The following ADCY5 variants were observed in gnomAD, a reference collection of about 807,000 sequenced individuals.
The protein encoded by ADCY5 is adenylate cyclase 5.
Under a neutral mutation model 119.7 loss-of-function variants are expected in ADCY5, and 30 were observed. The observed-to-expected ratio is 0.25, with a 90% CI of 0.19 to 0.34. The LOEUF is 0.34. Ranked by LOEUF, ADCY5 falls within the 10% of genes least tolerant of loss-of-function variation. The pLI is 1.00. For synonymous variants in ADCY5, 753 were observed against 762.2 expected, an observed-to-expected ratio of 0.99 and a Z score of 0.20; for missense variants, 1,324 against 1,775.2, an observed-to-expected ratio of 0.75 and a Z score of 4.57.
Position 123,442,220 on chromosome 3 carries a change from C to T in ADCY5, c.1134+5192G>A, listed in dbSNP as rs979623830. Among the ~76,000 whole-genome samples the T allele has an allele frequency of 3.3e-5, 5 of 152,300 alleles. No homozygotes were observed. In the South Asian group the frequency reaches 6.2e-4, roughly 19 times the overall value. On this transcript the variant is annotated intron_variant, in intron 1 of 20. Transcript: ENST00000462833. ...GGCTACACTCCTGGGAAACACATGA[C>T]GGCAGGTTGCACCCACCACCAAGAT...
rs775563814 is a variant in ADCY5 at position 123,325,349 on chromosome 3, G to A, written c.2061C>T (p.Asn687=). The A allele has an allele frequency of 1.2e-6, 2 of 1,614,122 alleles. No individual in the cohort carries two copies. The highest frequency in any genetic ancestry group is 1.7e-5 in the Admixed American group (1 of 60,024). ...TCCGCTTCATCTCCTTGGACACCTG[G>A]TTGCCACCCAGGTGGTTGTAGAAGG... ...ERPFYNHLGG[N]QVSKEMKRMG... The change falls in exon 8 of 21, where the codon AAC becomes AAT. Residue 687 remains asparagine, a synonymous_variant. Coordinates refer to ENST00000462833, the MANE Select transcript of ADCY5 (RefSeq NM_183357.3).
chr3:123,424,058 C>T (rs769686007), intron 1 of ADCY5, among the ~76,000 whole-genome samples: 18 of 152,224 alleles, frequency 1.2e-4, no homozygotes, highest in Non-Finnish European at 2.1e-4. Flanking sequence ...GTGAGGCCAC[C>T]GTCCTAGAGC....
intron 14 of ADCY5, 27 bp from the exon 15 acceptor site, chr3:123,300,322 C>T (rs546307631): frequency 3.7e-6 from 6 of 1,609,428 alleles, no homozygotes; most frequent in Non-Finnish European, 5.1e-6. Context: ...GCAGCATCAG[C>T]TCCCCAGGCC....
At position 123,447,481 on chromosome 3, in the gene ADCY5, C is replaced by A. The variant is rs1164763594; in HGVS notation, c.1065G>T (p.Val355=). 1.2e-6 allele frequency: 2 copies of A among 1,611,332 alleles called. No homozygotes were observed. The highest frequency in any genetic ancestry group is 2.2e-5 in the East Asian group (1 of 44,808). Reference sequence around the variant, plus strand: ...TGGCCAGGTGGAGGGCGGACAGGAGCACCCCGCTGAGCACTGCGGCCCGCA... The same window carrying A: ...TGGCCAGGTGGAGGGCGGACAGGAGAACCCCGCTGAGCACTGCGGCCCGCA... The part of the protein sequence containing the change: ...VRMRAAVLSG[V]LLSALHLAIA... Residue 355 remains valine, a synonymous_variant, in exon 1 of 21, where the codon GTG becomes GTT. Transcript: ENST00000462833.
At chr3:123,349,386 T>C (rs1942727540) in intron 2 of ADCY5, among the ~76,000 whole-genome samples, 1 of 152,210 alleles carries the variant, frequency 6.6e-6, no homozygotes, top group Non-Finnish European at 1.5e-5. Flanking sequence ...GAAACAGCTC[T>C]CACACTTGTC....
At chr3:123,329,654 C>T (rs556927454) in intron 5 of ADCY5, among the ~76,000 whole-genome samples, 1 of 152,286 alleles carries the variant, frequency 6.6e-6, no homozygotes, top group South Asian at 2.1e-4. Context: ...ACACCTGGGG[C>T]ATGGGCGCAC....
At chr3:123,361,454 C>A (rs1334210759) in intron 1 of ADCY5, among the ~76,000 whole-genome samples, 3 of 152,108 alleles carry the variant, frequency 2.0e-5, no homozygotes, top group South Asian at 2.1e-4. Flanking sequence ...CCAAAAGAAA[C>A]CCCATGCCCA....
chr3:123,345,004 G>C (rs892545505), intron 3 of ADCY5, among the ~76,000 whole-genome samples: 10 of 152,336 alleles, frequency 6.6e-5, no homozygotes, highest in East Asian at 3.9e-4. Flanking sequence ...GCACATCCCA[G>C]AGAGAAATAC....
At chr3:123,417,876 A>T (rs1945220204) in intron 1 of ADCY5, among the ~76,000 whole-genome samples, 1 of 152,228 alleles carries the variant, frequency 6.6e-6, no homozygotes, top group African/African-American at 2.4e-5. Context: ...GAAGGCTCGT[A>T]AGGTAAGATG....
chr3:123,410,347 A>C (rs777667309), intron 1 of ADCY5, among the ~76,000 whole-genome samples: 11 of 127,032 alleles, frequency 8.7e-5, no homozygotes, highest in South Asian at 2.8e-4. Context: ...CTTATCCCCC[A>C]ATTCCTCCTC....
At chr3:123,288,660 AC>A (rs1397579003) in intron 19 of ADCY5, among the ~76,000 whole-genome samples, 3 of 152,248 alleles carry the variant, frequency 2.0e-5, no homozygotes, top group Non-Finnish European at 4.4e-5. Flanking sequence ...GGAAGTGTGT[AC>A]CTGGGTTTTC....
intron 1 of ADCY5, among the ~76,000 whole-genome samples, chr3:123,399,227 C>T (rs78279093): frequency 0.017 from 2,628 of 152,346 alleles, 75 homozygotes; most frequent in African/African-American, 0.06. Context: ...ACGTATTTTT[C>T]ATATTGGTTA....
intron 1 of ADCY5, chr3:123,416,392 C>G: frequency 1.4e-6 from 2 of 1,472,336 alleles, no homozygotes; most frequent in Non-Finnish European, 1.8e-6. Context: ...GGCTGCTTAA[C>G]AGTGGAACAG....
chr3:123,412,949 G>A (rs1299838580), intron 1 of ADCY5, among the ~76,000 whole-genome samples: 1 of 152,218 alleles, frequency 6.6e-6, no homozygotes, highest in Non-Finnish European at 1.5e-5. Flanking sequence ...AGCACAGCCT[G>A]ATAGAGCAGG....
At chr3:123,288,857 A>T (rs1938951603) in intron 19 of ADCY5, among the ~76,000 whole-genome samples, 1 of 152,232 alleles carries the variant, frequency 6.6e-6, no homozygotes, top group Non-Finnish European at 1.5e-5. Context: ...CCACAGAGGT[A>T]TCGGCACAGC....
rs1941687888 is a variant in ADCY5, at chr3:123,330,095, G to A, written c.1646+794C>T. Among the ~76,000 whole-genome samples the A allele has an allele frequency of 2.6e-5, 4 of 152,182 alleles. No individual in the cohort carries two copies. The South Asian group carries it at 8.3e-4, about 32-fold the overall frequency. On this transcript the variant is annotated intron_variant, in intron 5 of 20. Transcript: ENST00000462833. ...CCTGGTCTCTCTCCCTTAAGGCTCTGTGCTTCCGGGGAGACTGATTGTCTA... is the reference window on the plus strand; with the variant it reads ...CCTGGTCTCTCTCCCTTAAGGCTCTATGCTTCCGGGGAGACTGATTGTCTA...
chr3:123,389,664 G>T (rs1342551188), intron 1 of ADCY5, among the ~76,000 whole-genome samples: 2 of 152,080 alleles, frequency 1.3e-5, no homozygotes, highest in South Asian at 2.1e-4. Flanking sequence ...GTGACAAGCA[G>T]ATGAGAGGGA....
At chr3:123,361,089 A>G (rs1453555518) in intron 1 of ADCY5, among the ~76,000 whole-genome samples, 1 of 152,196 alleles carries the variant, frequency 6.6e-6, no homozygotes, top group Non-Finnish European at 1.5e-5. Context: ...ATTCTATTTA[A>G]TAAAGAGACA....
At chr3:123,375,212 G>A (rs1483330580) in intron 1 of ADCY5, among the ~76,000 whole-genome samples, 1 of 152,202 alleles carries the variant, frequency 6.6e-6, no homozygotes, top group African/African-American at 2.4e-5. Flanking sequence ...CGACGTGGAG[G>A]ACTCATTTAT....
Sources: allele counts gnomAD v4.1 joint callset (sites outside exome capture counted in the v4.1 genomes callset), GRCh38; gene constraint gnomAD v4.1.1; transcripts MANE v1.5; gene names NCBI Gene and HGNC (gene_info 2026-07-23, HGNC 2026-07-21).